Variants in NR5A2 observed in about 807,000 individuals in gnomAD.
The protein encoded by NR5A2 is CYP7A promoter-binding factor.
In NR5A2, 26 loss-of-function variants were observed where a neutral mutation model predicts 62.7. The ratio of observed to expected loss-of-function variants is 0.41; its 90% CI spans 0.30 to 0.58. The LOEUF (loss-of-function observed/expected upper bound fraction) is 0.58, where lower values mean the gene tolerates loss of function less well. Ranked by LOEUF, NR5A2 falls within the 20% of genes least tolerant of loss-of-function variation. The probability of loss-of-function intolerance (pLI) is 0.22; values close to 1 mark genes in which losing one functional copy is unlikely to be tolerated. For synonymous variants in NR5A2, 246 were observed against 241.7 expected (o/e 1.02, Z -0.16); for missense variants, 541 against 669.1 (o/e 0.81, Z 2.11).
chr1:200,161,618 A>C (rs1303621889), intron 7 of NR5A2, among the ~76,000 whole-genome samples: 2 of 152,180 alleles, frequency 1.3e-5, no homozygotes, highest in African/African-American at 2.4e-5. Context: ...CCTTCTACTC[A>C]TTGAGCTCAA....
At chr1:200,130,467 C>G (rs1219112846) in intron 7 of NR5A2, among the ~76,000 whole-genome samples, 1 of 152,188 alleles carries the variant, frequency 6.6e-6, no homozygotes, top group Non-Finnish European at 1.5e-5. Flanking sequence ...TACAGCTGCT[C>G]TAGAAAGTGA....
At chr1:200,068,802 A>G (rs772912238) in intron 5 of NR5A2, among the ~76,000 whole-genome samples, 5 of 152,182 alleles carry the variant, frequency 3.3e-5, no homozygotes, top group Non-Finnish European at 7.4e-5. Context: ...TGTGTAGAAT[A>G]TCATTTGGGC....
At chr1:200,159,512 G>A (rs1177257480) in intron 7 of NR5A2, among the ~76,000 whole-genome samples, 1 of 152,036 alleles carries the variant, frequency 6.6e-6, no homozygotes, top group African/African-American at 2.4e-5. Context: ...TCAAGCAAAC[G>A]TTTTATGAAG....
chr1:200,138,771 C>A (rs994282862), intron 7 of NR5A2, among the ~76,000 whole-genome samples: 1 of 152,084 alleles, frequency 6.6e-6, no homozygotes, highest in Non-Finnish European at 1.5e-5. Flanking sequence ...GTTCCTTTGG[C>A]CTATTTGATT....
intron 7 of NR5A2, among the ~76,000 whole-genome samples, chr1:200,165,367 G>A (rs1653852851): frequency 6.6e-6 from 1 of 152,170 alleles, no homozygotes; most frequent in African/African-American, 2.4e-5. Context: ...AAAGTCCGCT[G>A]TTCACATTAG....
intron 7 of NR5A2, among the ~76,000 whole-genome samples, chr1:200,155,682 T>A (rs867423422): frequency 4.8e-4 from 68 of 140,462 alleles, no homozygotes; most frequent in South Asian, 2.2e-3. Flanking sequence ...ATAAAAAAAT[T>A]TTTTTTTTTT....
chr1:200,174,141 C>T lies in NR5A2; in HGVS notation c.1557C>T (p.Tyr519=). The T allele has an allele frequency of 3.1e-6, 5 of 1,613,708 alleles. No individual in the cohort carries two copies. The highest frequency in any genetic ancestry group is 4.2e-6 in the Non-Finnish European group (5 of 1,179,936). The part of the protein sequence containing the change: ...ISMQAEEYLY[Y]KHLNGDVPYN... ...TGCAGGCTGAAGAATACCTCTACTA[C>T]AAGCACCTGAACGGGGATGTGCCCT... is the stretch of plus-strand genomic sequence containing the variant. Residue 519 remains tyrosine (Y), a synonymous_variant, in exon 8 of 8, where the codon TAC becomes TAT. Transcript: ENST00000367362.
rs989982817 is a variant in NR5A2 at position 200,147,825 on chromosome 1, G to A, written c.1379-26138G>A. On this transcript the variant is annotated intron_variant, in intron 7 of 7. Coordinates refer to ENST00000367362, the MANE Select transcript of NR5A2 (RefSeq NM_205860.3). This position sits in a 1 kb window ranked among gnomAD's most constrained non-coding sequence, Gnocchi z 4.9. ...CCGTGGCGTCCAGCACCAGGTCCTG[G>A]CTGCAGCCATTGGTGAGCAGTATGG... The A allele has an allele frequency of 6.3e-6, 3 of 477,508 alleles. No homozygotes were observed. Among genetic ancestry groups the A allele is most frequent in the African/African-American group, 6.0e-5 (3 of 49,892 alleles). 29.6% of individuals were successfully genotyped at this position (477,508 alleles called of 1,614,324 possible).
intron 5 of NR5A2, among the ~76,000 whole-genome samples, chr1:200,098,911 A>G (rs1665234470): frequency 6.6e-6 from 1 of 152,230 alleles, no homozygotes. Context: ...AGAAATTTTT[A>G]ACAAAGCAAA....
intron 7 of NR5A2, among the ~76,000 whole-genome samples, chr1:200,132,429 A>T (rs751972773): frequency 6.6e-6 from 1 of 152,150 alleles, no homozygotes; most frequent in Non-Finnish European, 1.5e-5. Flanking sequence ...AGAGTCCAAA[A>T]CATGCCATGC....
At chr1:200,093,520 C>T (rs529301656) in intron 5 of NR5A2, among the ~76,000 whole-genome samples, 2 of 152,092 alleles carry the variant, frequency 1.3e-5, no homozygotes, top group Non-Finnish European at 2.9e-5. Flanking sequence ...GACTCAGATC[C>T]CTTCTAACTT....
intron 5 of NR5A2, among the ~76,000 whole-genome samples, chr1:200,066,972 C>T (rs1663513154): frequency 6.6e-6 from 1 of 152,212 alleles, no homozygotes; most frequent in East Asian, 1.9e-4. Flanking sequence ...TCCCTGTGGA[C>T]CTGTCAATAG....
At chr1:200,157,352 A>T (rs893119630) in intron 7 of NR5A2, among the ~76,000 whole-genome samples, 1 of 152,228 alleles carries the variant, frequency 6.6e-6, no homozygotes, top group Non-Finnish European at 1.5e-5. Context: ...TGAATTAATG[A>T]TTTCTGGGTG....
chr1:200,033,529 GCC>G (rs1191784255), intron 1 of NR5A2, among the ~76,000 whole-genome samples: 6 of 152,214 alleles, frequency 3.9e-5, no homozygotes, highest in Non-Finnish European at 5.9e-5. Context: ...GATGCCTGCA[GCC>G]TCTGCTTCCC....
chr1:200,141,460 G>A (rs539951574), intron 7 of NR5A2, among the ~76,000 whole-genome samples: 1 of 152,164 alleles, frequency 6.6e-6, no homozygotes, highest in Non-Finnish European at 1.5e-5. Flanking sequence ...TTATGATTGT[G>A]TAGTGTTCTT....
chr1:200,124,048 C>T (rs1167913773), intron 7 of NR5A2, among the ~76,000 whole-genome samples: 1 of 152,044 alleles, frequency 6.6e-6, no homozygotes, highest in Non-Finnish European at 1.5e-5. Flanking sequence ...AGGTGATCCA[C>T]CTGCCTTGGC....
rs138454776 is a variant in NR5A2 at position 200,118,694 on chromosome 1, T to C, written c.1231-2114T>C. On this transcript the variant is annotated intron_variant, in intron 6 of 7. Transcript: ENST00000367362. Reference sequence around the variant, plus strand: ...TTATTATCTGAAGTAGTTGACTATGTGCAGTTTTTAAAGAATTTATAGCAT... The same window carrying C: ...TTATTATCTGAAGTAGTTGACTATGCGCAGTTTTTAAAGAATTTATAGCAT... Among the ~76,000 whole-genome samples the C allele has an allele frequency of 2.1e-4, 32 of 152,382 alleles. 1 individual carries two copies. The East Asian group carries it at 6.0e-3, about 28-fold the overall frequency.
chr1:200,092,455 G>A (rs1274986873), intron 5 of NR5A2, among the ~76,000 whole-genome samples: 1 of 152,156 alleles, frequency 6.6e-6, no homozygotes, highest in Non-Finnish European at 1.5e-5. Context: ...AGAGGAGCTC[G>A]TTAATGCACT....
chr1:200,149,646 T>C (rs1342072557), intron 7 of NR5A2, among the ~76,000 whole-genome samples: 3 of 152,116 alleles, frequency 2.0e-5, no homozygotes, highest in Non-Finnish European at 4.4e-5. Flanking sequence ...CTGAGGCCAA[T>C]TGTAGGCGGT....
Sources: gnomAD v4.1 joint callset for allele counts (sites outside exome capture counted in the v4.1 genomes callset) on GRCh38, gnomAD v4.1.1 for gene constraint, Gnocchi (gnomAD v3.1) non-coding constraint, MANE v1.5 for transcripts, NCBI Gene and HGNC (gene_info 2026-07-23, HGNC 2026-07-21) for gene names.